SLC22A14: variants seen among roughly 807,000 people sequenced by gnomAD.
SLC22A14 encodes the protein organic cation transporter-like 4.
In SLC22A14, 50 loss-of-function variants were observed where a neutral mutation model predicts 53.9. The ratio of observed to expected loss-of-function variants is 0.93; its 90% CI spans 0.74 to 1.17. The LOEUF is 1.17. Among genes scored for constraint, SLC22A14 ranks in the 50% most tolerant of loss-of-function variants. The pLI, the probability that SLC22A14 is intolerant of heterozygous loss-of-function variation, is 0.00. For missense variants in SLC22A14, 671 were observed against 734.7 expected, an observed-to-expected ratio of 0.91 and a Z score of 1.00; for synonymous variants, 312 against 303.0, an observed-to-expected ratio of 1.03 and a Z score of -0.31.
chr3:38,294,912 G>A (rs1403637669), intron 1 of SLC22A14, among the ~76,000 whole-genome samples: 1 of 152,322 alleles, frequency 6.6e-6, no homozygotes, highest in East Asian at 1.9e-4. Flanking sequence ...TTCTTATGCA[G>A]ATTCATTTCA....
In SLC22A14 at chr3:38,313,026, G is replaced by A. The variant is rs373359616; in HGVS notation, c.972G>A (p.Leu324=). ...TTCTCCCGGAGTCCCCGCGGTGGCTGATGATGAAAGGGAAGGTGAAGGAGG... is the reference window on the plus strand; with the variant it reads ...TTCTCCCGGAGTCCCCGCGGTGGCTAATGATGAAAGGGAAGGTGAAGGAGG... The part of the protein sequence containing the change: ...IWILPESPRW[L]MMKGKVKEAK... The change falls in exon 6 of 11, where the codon CTG becomes CTA. Residue 324 remains leucine (L), a synonymous_variant. Transcript: ENST00000448498. 5.0e-6 allele frequency: 8 copies of A among 1,589,506 alleles called. No homozygotes were observed. The highest frequency in any genetic ancestry group is 6.8e-6 in the Non-Finnish European group (8 of 1,168,800).
intron 1 of SLC22A14, among the ~76,000 whole-genome samples, chr3:38,298,737 G>T (rs1389945199): frequency 6.6e-6 from 1 of 152,086 alleles, no homozygotes; most frequent in African/African-American, 2.4e-5. Context: ...GTATTTTTTA[G>T]TAGAGACAGG....
chr3:38,309,924 G>A (rs1361015723), intron 5 of SLC22A14, among the ~76,000 whole-genome samples: 1 of 152,128 alleles, frequency 6.6e-6, no homozygotes, highest in African/African-American at 2.4e-5. Flanking sequence ...GTCATGGGAG[G>A]TGGGGAGGAG....
In SLC22A14 at chr3:38,309,725, AAAG is replaced by A. The variant is rs564461723; in HGVS notation, c.944+607_944+609del. On this transcript the variant is annotated intron_variant, in intron 5 of 10. Transcript: ENST00000448498. The stretch of plus-strand genomic sequence containing the variant: ...GAGAACAAAAGTGAGATGCCAAAAG[AAAG>A]AAGGTTAACCTTGGGCAGGTGGGAA... Among the ~76,000 whole-genome samples, 11 of 152,312 alleles carry A rather than the reference AAAG, an allele frequency of 7.2e-5. No individual in the cohort carries two copies. In the South Asian group the frequency reaches 1.9e-3, roughly 26 times the overall value.
chr3:38,313,683 T>TGTGTGTGTGTGTGTGTGTGTGCGCGC (rs539249729), intron 7 of SLC22A14, 44 bp from the exon 8 acceptor site: 1 of 737,126 alleles, frequency 1.4e-6, no homozygotes, highest in Non-Finnish European at 2.0e-6. Context: ...GCTCCGTGTG[T>TGTGTGTGTGTGTGTGTGTGTGCGCGC]GTGCGCGCGT....
chr3:38,318,136 G>T lies in SLC22A14; in HGVS notation c.1734-62G>T. On this transcript the variant is annotated intron_variant, in intron 10 of 10. Transcript: ENST00000448498. Reference sequence around the variant, plus strand: ...TTGGGCGCTGCTGAAGGCACAAGCCGCTGCTTTTCTCAGCTTCCAGAAAGA... The same window carrying T: ...TTGGGCGCTGCTGAAGGCACAAGCCTCTGCTTTTCTCAGCTTCCAGAAAGA... The T allele has an allele frequency of 1.3e-6, 2 of 1,509,660 alleles. No homozygotes were observed. Among genetic ancestry groups the T allele is most frequent in the Non-Finnish European group, 1.8e-6 (2 of 1,085,192 alleles). The allele number at this position is 1,509,660 out of a possible 1,614,324, so 93.5% of individuals were successfully genotyped here. A position where few individuals can be genotyped will look rare whatever the true frequency, so the allele number is the denominator to read the frequency against.
chr3:38,304,146 A>G (rs1295356019), intron 1 of SLC22A14, among the ~76,000 whole-genome samples: 6 of 150,444 alleles, frequency 4.0e-5, no homozygotes, highest in Admixed American at 1.3e-4. Flanking sequence ...AGCCGAGATC[A>G]CACTACTGCA....
In SLC22A14 at chr3:38,313,537, A is replaced by C. The variant is rs766814392; in HGVS notation, c.1163+52A>C. On this transcript the variant is annotated intron_variant, in intron 7 of 10. Coordinates refer to ENST00000448498, the MANE Select transcript of SLC22A14 (RefSeq NM_001320033.2). Reference sequence around the variant, plus strand: ...GACTGCGAACAGGTGCGCAGGCTGGAAACTCTAGGGAGAGGATGGGAATGG... The same window carrying C: ...GACTGCGAACAGGTGCGCAGGCTGGCAACTCTAGGGAGAGGATGGGAATGG... 5.2e-6 allele frequency: 7 copies of C among 1,333,596 alleles called. 1 individual carries two copies. The South Asian group carries it at 8.2e-5, about 16-fold the overall frequency. 82.6% of individuals were successfully genotyped at this position (1,333,596 alleles called of 1,614,324 possible).
At chr3:38,298,096 G>T (rs1228866951) in intron 1 of SLC22A14, among the ~76,000 whole-genome samples, 1 of 152,002 alleles carries the variant, frequency 6.6e-6, no homozygotes, top group African/African-American at 2.4e-5. Context: ...TATTCTATGG[G>T]TTATAACATA....
At chr3:38,303,968 C>T (rs1006850492) in intron 1 of SLC22A14, 1 of 151,932 alleles carries the variant, frequency 6.6e-6, no homozygotes, top group African/African-American at 2.4e-5. Context: ...GTGGGCGGAT[C>T]ATGAGGTCAG....
intron 1 of SLC22A14, among the ~76,000 whole-genome samples, chr3:38,283,791 C>T (rs1703726528): frequency 6.6e-6 from 1 of 152,178 alleles, no homozygotes; most frequent in African/African-American, 2.4e-5. Context: ...GATCACACCA[C>T]TACATTCCAG....
At chr3:38,313,193 A>G (rs1704521137) in intron 6 of SLC22A14, 74 bp downstream of exon 6, 2 of 1,580,590 alleles carry the variant, frequency 1.3e-6, no homozygotes, top group African/African-American at 1.3e-5. Flanking sequence ...TCATCCTTTC[A>G]GGTGGGACAT....
chr3:38,288,709 A>T (rs1002121365), intron 1 of SLC22A14, among the ~76,000 whole-genome samples: 1 of 152,034 alleles, frequency 6.6e-6, no homozygotes, highest in Admixed American at 6.6e-5. Flanking sequence ...TTTCCCATTT[A>T]AAAAAATCAT....
At chr3:38,311,175 T>C (rs1704458437) in intron 5 of SLC22A14, among the ~76,000 whole-genome samples, 1 of 152,204 alleles carries the variant, frequency 6.6e-6, no homozygotes, top group African/African-American at 2.4e-5. Flanking sequence ...GTCACTTCCA[T>C]GAACTGGATT....
intron 1 of SLC22A14, chr3:38,305,623 C>T (rs72542456): frequency 1.0e-3 from 177 of 171,792 alleles, no homozygotes; most frequent in African/African-American, 4.1e-3. Flanking sequence ...TGGCTACAGC[C>T]GACGATGCAG....
At chr3:38,286,848 C>T (rs1395414194) in intron 1 of SLC22A14, among the ~76,000 whole-genome samples, 2 of 152,086 alleles carry the variant, frequency 1.3e-5, no homozygotes. Context: ...TCTCCTACCA[C>T]AGCCTCCCGA....
chr3:38,307,636 A>G lies in SLC22A14; in HGVS notation c.691A>G (p.Met231Val), dbSNP rs1704344949. The G allele has an allele frequency of 1.1e-5, 17 of 1,614,196 alleles. No homozygotes were observed. The highest frequency in any genetic ancestry group is 1.3e-5 in the African/African-American group (1 of 75,056). ...CATCTTCGGCTTTGGGACAGCCTTC[A>G]TGAACAGCTTTCACCTGTATTTGTT... is the stretch of plus-strand genomic sequence containing the variant. ...LIIFGFGTAF[M>V]NSFHLYLFFR... The change falls in exon 4 of 11, where the codon ATG (methionine) becomes GTG (valine). Residue 231 changes from methionine (M) to valine (V), a missense_variant. Coordinates refer to ENST00000448498, the MANE Select transcript of SLC22A14 (RefSeq NM_001320033.2). The surrounding 1 kb of genome is among the most constrained non-coding windows in gnomAD (Gnocchi z 4.4).
At chr3:38,279,748 T>C (rs1366080637), upstream of SLC22A14, among the ~76,000 whole-genome samples, 1 of 152,098 alleles carries the variant, frequency 6.6e-6, no homozygotes, top group Non-Finnish European at 1.5e-5. Context: ...CCTCTGGGAC[T>C]CTGAAGGAGA....
At chr3:38,309,883 G>A (rs552300990) in intron 5 of SLC22A14, among the ~76,000 whole-genome samples, 1 of 152,212 alleles carries the variant, frequency 6.6e-6, no homozygotes, top group Non-Finnish European at 1.5e-5. Flanking sequence ...ATTTAATCTT[G>A]ACCCCTCTAG....
Sources: gnomAD v4.1 joint callset for allele counts (sites outside exome capture counted in the v4.1 genomes callset) on GRCh38, gnomAD v4.1.1 for gene constraint, Gnocchi (gnomAD v3.1) non-coding constraint, MANE v1.5 for transcripts, NCBI Gene and HGNC (gene_info 2026-07-23, HGNC 2026-07-21) for gene names.